Variants in PPP2R2C observed in about 807,000 individuals in gnomAD.
PPP2R2C encodes the protein protein phosphatase 2 regulatory subunit Bgamma, also known as protein phosphatase 2, regulatory subunit B, gamma.
Under a neutral mutation model 45.3 loss-of-function variants are expected in PPP2R2C, and 10 were observed. That is an observed-to-expected ratio of 0.22 (90% CI 0.14 to 0.37). The LOEUF (loss-of-function observed/expected upper bound fraction) is 0.37, where lower values mean the gene tolerates loss of function less well. Among genes scored for constraint, PPP2R2C ranks in the 10% least tolerant of loss-of-function variants. The probability of loss-of-function intolerance (pLI) is 1.00; values close to 1 mark genes in which losing one functional copy is unlikely to be tolerated. For missense variants in PPP2R2C, 308 were observed against 619.7 expected (o/e 0.50, Z 5.34); for synonymous variants, 257 against 245.4 (o/e 1.05, Z -0.44).
At chr4:6,511,858 G>A (rs954909425) in intron 2 of PPP2R2C, among the ~76,000 whole-genome samples, 1 of 60,706 alleles carries the variant, frequency 1.6e-5, no homozygotes, top group Admixed American at 1.6e-4. Context: ...GGTGGTGGTG[G>A]TGGTGATGGT....
chr4:6,396,037 G>A (rs574237102), intron 1 of PPP2R2C, among the ~76,000 whole-genome samples: 24 of 152,210 alleles, frequency 1.6e-4, no homozygotes, highest in Non-Finnish European at 2.8e-4. Context: ...CTGGGTCACC[G>A]GGGAACTCAC....
At position 6,456,982 on chromosome 4, in the gene PPP2R2C, C is replaced by T. The variant is rs61512905; in HGVS notation, c.70+15178G>A. 1.7e-3 allele frequency among the ~76,000 whole-genome samples: 258 copies of T among 152,144 alleles called. 3 individuals are homozygous for T. The highest frequency in any genetic ancestry group is 5.7e-3 in the African/African-American group (237 of 41,518). ...CAGCACTTTGGGAGGCTAAGGCGGG[C>T]AGATCACCTGAGGTCAGGAGTTCAA... On this transcript the variant is annotated intron_variant, in intron 1 of 8. Transcript: ENST00000382599.
intron 1 of PPP2R2C, among the ~76,000 whole-genome samples, chr4:6,539,748 A>G (rs12512657): frequency 0.33 from 49,506 of 152,100 alleles, 8,186 homozygotes; most frequent in Middle Eastern, 0.43. Flanking sequence ...CGGAAGCTGC[A>G]CTAGGCATTC....
At chr4:6,481,894 G>T (rs1024485152) in intron 2 of PPP2R2C, among the ~76,000 whole-genome samples, 1 of 142,830 alleles carries the variant, frequency 7.0e-6, no homozygotes, top group African/African-American at 2.6e-5. Context: ...CAGAAGAATA[G>T]CTTGAAGCCG....
At chr4:6,525,165 G>C (rs1466782433) in intron 2 of PPP2R2C, among the ~76,000 whole-genome samples, 1 of 152,188 alleles carries the variant, frequency 6.6e-6, no homozygotes, top group Non-Finnish European at 1.5e-5. Flanking sequence ...AGCACTTTGG[G>C]AGGCCGAGAT....
chr4:6,543,947 C>T (rs1338703280), intron 1 of PPP2R2C, among the ~76,000 whole-genome samples: 3 of 152,224 alleles, frequency 2.0e-5, no homozygotes, highest in Non-Finnish European at 2.9e-5. Context: ...CCGAGCTGAG[C>T]TGTCAACACA....
In PPP2R2C at chr4:6,370,109, G is replaced by A. The variant is rs1193722122; in HGVS notation, c.625+2414C>T. On this transcript the variant is annotated intron_variant, in intron 5 of 8. Coordinates refer to ENST00000382599, the MANE Select transcript of PPP2R2C (RefSeq NM_020416.4). Reference sequence around the variant, plus strand: ...TCCGGCAGGAAGGAAGCAGGTGCTCGAGAAGGGTGGCTGCCACTGTCCCAG... The same window carrying A: ...TCCGGCAGGAAGGAAGCAGGTGCTCAAGAAGGGTGGCTGCCACTGTCCCAG... 5.9e-5 allele frequency among the ~76,000 whole-genome samples: 9 copies of A among 152,320 alleles called. No individual in the cohort carries two copies. In the South Asian group the frequency reaches 1.0e-3, roughly 18 times the overall value.
Position 6,364,348 on chromosome 4 carries a change from A to T in PPP2R2C, c.625+8175T>A, listed in dbSNP as rs935751747. Among the ~76,000 whole-genome samples the T allele has an allele frequency of 1.3e-5, 2 of 152,152 alleles. No homozygotes were observed. The highest frequency in any genetic ancestry group is 4.8e-5 in the African/African-American group (2 of 41,446). On this transcript the variant is annotated intron_variant, in intron 5 of 8. Coordinates refer to ENST00000382599, the MANE Select transcript of PPP2R2C (RefSeq NM_020416.4). This position sits in a 1 kb window ranked among gnomAD's most constrained non-coding sequence, Gnocchi z 5.3. Reference sequence around the variant, plus strand: ...CGCTGAGCCCAGGGAGCAAAGGGAGAGAGGAGGAAGTGGGCCAGGGAGGGG... The same window carrying T: ...CGCTGAGCCCAGGGAGCAAAGGGAGTGAGGAGGAAGTGGGCCAGGGAGGGG...
intron 1 of PPP2R2C, among the ~76,000 whole-genome samples, chr4:6,404,309 C>T (rs1280604843): frequency 6.6e-6 from 1 of 152,172 alleles, no homozygotes; most frequent in African/African-American, 2.4e-5. Context: ...CAGCAAGGGG[C>T]AGGCACACAG....
At chr4:6,399,304 G>A (rs1213249082) in intron 1 of PPP2R2C, among the ~76,000 whole-genome samples, 3 of 152,228 alleles carry the variant, frequency 2.0e-5, no homozygotes, top group Non-Finnish European at 2.9e-5. Flanking sequence ...AAAGAAAAGA[G>A]GGGAGAGGAA....
chr4:6,415,748 T>C (rs960857189), intron 1 of PPP2R2C, among the ~76,000 whole-genome samples: 1 of 152,178 alleles, frequency 6.6e-6, no homozygotes, highest in African/African-American at 2.4e-5. Flanking sequence ...GAACTGAAGG[T>C]CATCCAGTCT....
chr4:6,446,180 C>T lies in PPP2R2C; in HGVS notation c.70+25980G>A, dbSNP rs373480034. ...AGAACAGCACTTGATCCACATGAACCGCCTAGAACCACGTTCTGAGACTCT... is the reference window on the plus strand; with the variant it reads ...AGAACAGCACTTGATCCACATGAACTGCCTAGAACCACGTTCTGAGACTCT... On this transcript the variant is annotated intron_variant, in intron 1 of 8. Coordinates refer to ENST00000382599, the MANE Select transcript of PPP2R2C (RefSeq NM_020416.4). 1.9e-4 allele frequency among the ~76,000 whole-genome samples: 29 copies of T among 152,242 alleles called. 1 individual carries two copies. Among genetic ancestry groups the T allele is most frequent in the African/African-American group, 6.7e-4 (28 of 41,536 alleles).
chr4:6,562,473 G>GC (rs140179979), intron 1 of PPP2R2C, among the ~76,000 whole-genome samples: 1 of 149,240 alleles, frequency 6.7e-6, no homozygotes, highest in Admixed American at 6.7e-5. Flanking sequence ...GGAGTCGGGG[G>GC]GGGGGGTTGG....
At chr4:6,456,338 C>T (rs556076016) in intron 1 of PPP2R2C, among the ~76,000 whole-genome samples, 16 of 138,752 alleles carry the variant, frequency 1.2e-4, no homozygotes, top group Admixed American at 3.6e-4. Flanking sequence ...ACTGTCTACA[C>T]GTTCAAACGT....
At chr4:6,358,267 A>G (rs910397287) in intron 5 of PPP2R2C, among the ~76,000 whole-genome samples, 2 of 152,246 alleles carry the variant, frequency 1.3e-5, no homozygotes, top group African/African-American at 4.8e-5. Flanking sequence ...TGGTGCTGGG[A>G]AAACCAGCTA....
Position 6,323,546 on chromosome 4 carries a change from C to A in PPP2R2C, c.1100G>T (p.Arg367Leu). The change falls in exon 9 of 9, where the codon CGG becomes CTG. Residue 367 changes from arginine (R) to leucine (L), a missense_variant. Arg to Leu is a moderately radical substitution (Grantham distance 102). Transcript: ENST00000382599. ...CAGGGTCACGTCCCGCTTGGTGTTC[C>A]GATCGAACATGCGGAAGAAGTTGTT... is the stretch of plus-strand genomic sequence containing the variant. ...AYNNFFRMFD[R>L]NTKRDVTLEA... 6.3e-7 allele frequency: 1 copy of A among 1,586,886 alleles called. No homozygotes were observed. Among genetic ancestry groups the A allele is most frequent in the East Asian group, 2.3e-5 (1 of 44,136 alleles).
upstream of PPP2R2C, among the ~76,000 whole-genome samples, chr4:6,473,089 T>G (rs914006069): frequency 6.6e-6 from 1 of 151,738 alleles, no homozygotes; most frequent in African/African-American, 2.4e-5. Flanking sequence ...GAGCATTAAG[T>G]ACATGTGAAG....
intron 1 of PPP2R2C, among the ~76,000 whole-genome samples, chr4:6,464,714 C>T (rs1721503560): frequency 6.6e-6 from 1 of 152,094 alleles, no homozygotes; most frequent in Non-Finnish European, 1.5e-5. Context: ...TGTGTGTCAA[C>T]AACATTAAAA....
At chr4:6,536,495 T>C (rs1487713540) in intron 1 of PPP2R2C, among the ~76,000 whole-genome samples, 1 of 152,234 alleles carries the variant, frequency 6.6e-6, no homozygotes, top group Non-Finnish European at 1.5e-5. Context: ...AAAAAAGGTG[T>C]GTCCACTCAT....
Sources: gnomAD v4.1 joint callset for allele counts (sites outside exome capture counted in the v4.1 genomes callset) on GRCh38, gnomAD v4.1.1 for gene constraint, Gnocchi (gnomAD v3.1) non-coding constraint, MANE v1.5 for transcripts, NCBI Gene and HGNC (gene_info 2026-07-23, HGNC 2026-07-21) for gene names.